CNTNAP3B: variants seen among roughly 807,000 people sequenced by gnomAD.
The protein encoded by CNTNAP3B is contactin associated protein family member 3B.
CNTNAP3B carries 25 observed loss-of-function variants against 108.9 expected under a neutral mutation model. That is an observed-to-expected ratio of 0.23 (90% CI 0.17 to 0.32). The LOEUF is 0.32. CNTNAP3B is among the 10% of genes least tolerant of loss of function. The probability of loss-of-function intolerance (pLI) is 1.00; values close to 1 mark genes in which losing one functional copy is unlikely to be tolerated. For synonymous variants in CNTNAP3B, 103 were observed against 473.4 expected (o/e 0.22, Z 10.16); for missense variants, 252 against 1,210.4 (o/e 0.21, Z 11.75).
At chr9:42,003,976 C>A (rs1172318903) in intron 4 of CNTNAP3B, among the ~76,000 whole-genome samples, 2 of 145,314 alleles carry the variant, frequency 1.4e-5, no homozygotes, top group Admixed American at 6.8e-5. Context: ...ACAACAAAAC[C>A]CACAATTGCC....
At chr9:42,036,138 T>A (rs1252523970) in intron 3 of CNTNAP3B, among the ~76,000 whole-genome samples, 3 of 149,720 alleles carry the variant, frequency 2.0e-5, no homozygotes, top group Non-Finnish European at 4.4e-5. Flanking sequence ...ACTCCTGACC[T>A]CAAGCACTCT....
At chr9:41,925,552 C>T (rs1426805464) in intron 15 of CNTNAP3B, among the ~76,000 whole-genome samples, 2 of 152,286 alleles carry the variant, frequency 1.3e-5, no homozygotes, top group South Asian at 2.1e-4. Context: ...GAGATCCTGC[C>T]ACTGCACTCC....
chr9:42,042,336 T>C (rs1270431714), intron 3 of CNTNAP3B, among the ~76,000 whole-genome samples: 3 of 129,860 alleles, frequency 2.3e-5, no homozygotes, highest in Non-Finnish European at 4.9e-5. Context: ...ATTTTCGCTC[T>C]TATAAACAAT....
intron 9 of CNTNAP3B, among the ~76,000 whole-genome samples, chr9:41,973,342 A>T (rs1244130424): frequency 7.3e-6 from 1 of 136,256 alleles, no homozygotes; most frequent in Non-Finnish European, 1.6e-5. Context: ...TGAAACTTTC[A>T]GGACAAATTC....
intron 1 of CNTNAP3B, among the ~76,000 whole-genome samples, chr9:42,116,654 A>T (rs1828324766): frequency 7.1e-6 from 1 of 139,894 alleles, no homozygotes; most frequent in East Asian, 2.2e-4. Flanking sequence ...TAATGACAGG[A>T]TCAAATTCAC....
At chr9:41,921,747 G>T (rs1236198765) in intron 17 of CNTNAP3B, among the ~76,000 whole-genome samples, 408 of 151,234 alleles carry the variant, frequency 2.7e-3, no homozygotes, top group Non-Finnish European at 4.7e-3. Flanking sequence ...GAACAGATGA[G>T]CCAGACCGGG....
At chr9:41,916,036 C>T (rs1282091714) in intron 18 of CNTNAP3B, among the ~76,000 whole-genome samples, 1 of 151,310 alleles carries the variant, frequency 6.6e-6, no homozygotes, top group Non-Finnish European at 1.5e-5. Context: ...TTATGCATAC[C>T]AAACCCATTA....
At chr9:41,931,253 T>A (rs1446506407) in intron 14 of CNTNAP3B, among the ~76,000 whole-genome samples, 1,548 of 151,358 alleles carry the variant, frequency 0.01, 1 homozygote, top group Non-Finnish European at 0.018. Flanking sequence ...GATACTAGAA[T>A]ACAATGCATA....
chr9:41,956,327 A>G (rs529182660), intron 12 of CNTNAP3B, among the ~76,000 whole-genome samples: 6 of 152,106 alleles, frequency 3.9e-5, no homozygotes, highest in African/African-American at 1.4e-4. Flanking sequence ...TGGAGGTTGC[A>G]GTGAGCCGAG....
chr9:41,966,956 G>C (rs893120449), intron 10 of CNTNAP3B, among the ~76,000 whole-genome samples: 2 of 150,370 alleles, frequency 1.3e-5, no homozygotes, highest in East Asian at 1.9e-4. Flanking sequence ...GATAGAGCGA[G>C]ACTCTGTCTC....
chr9:41,939,133 G>T (rs936457948), intron 13 of CNTNAP3B, among the ~76,000 whole-genome samples: 5 of 152,292 alleles, frequency 3.3e-5, no homozygotes, highest in Non-Finnish European at 7.3e-5. Flanking sequence ...TGCTGCCAGG[G>T]GTTGGGAGTG....
chr9:42,112,646 C>T (rs1260109830), intron 1 of CNTNAP3B, among the ~76,000 whole-genome samples: 2 of 136,880 alleles, frequency 1.5e-5, no homozygotes, highest in African/African-American at 2.9e-5. Flanking sequence ...AGGGGTTACA[C>T]GTTGTCTCTC....
chr9:42,080,441 C>A (rs1225586957), intron 2 of CNTNAP3B, among the ~76,000 whole-genome samples: 1 of 139,318 alleles, frequency 7.2e-6, no homozygotes, highest in African/African-American at 2.9e-5. Context: ...GCTGTGCACA[C>A]AATTTAATTA....
chr9:41,951,924 A>T (rs1420904961), intron 13 of CNTNAP3B, among the ~76,000 whole-genome samples: 1 of 152,224 alleles, frequency 6.6e-6, no homozygotes, highest in Non-Finnish European at 1.5e-5. Context: ...TAAAAATACA[A>T]AAATTAGCCG....
chr9:41,942,923 C>T (rs1355419772), intron 13 of CNTNAP3B, among the ~76,000 whole-genome samples: 2 of 152,252 alleles, frequency 1.3e-5, no homozygotes, highest in Non-Finnish European at 2.9e-5. Context: ...TACCTCAGTT[C>T]CTTTGCCAAT....
At chr9:41,924,763 C>A (rs1380703316) in intron 15 of CNTNAP3B, among the ~76,000 whole-genome samples, 1 of 152,232 alleles carries the variant, frequency 6.6e-6, no homozygotes, top group East Asian at 1.9e-4. Context: ...TGTCCAAAAC[C>A]CATCACAGGA....
intron 14 of CNTNAP3B, among the ~76,000 whole-genome samples, chr9:41,934,188 C>CACATATAT (rs1268222285): frequency 7.4e-6 from 1 of 135,360 alleles, no homozygotes; most frequent in Non-Finnish European, 1.5e-5. Flanking sequence ...CACACACACA[C>CACATATAT]ATATATATAT....
chr9:41,924,881 G>C (rs1221235889), intron 15 of CNTNAP3B, among the ~76,000 whole-genome samples: 3 of 152,264 alleles, frequency 2.0e-5, no homozygotes, highest in African/African-American at 2.4e-5. Flanking sequence ...GTATTTTTCA[G>C]TTGACTTTCA....
At chr9:41,939,305 C>T (rs1400151588) in intron 13 of CNTNAP3B, among the ~76,000 whole-genome samples, 53 of 152,380 alleles carry the variant, frequency 3.5e-4, no homozygotes, top group African/African-American at 1.2e-3. Context: ...TTAACTCAAC[C>T]AGTTTTTTAA....
Sources: gnomAD v4.1 joint callset for allele counts (sites outside exome capture counted in the v4.1 genomes callset) on GRCh38, gnomAD v4.1.1 for gene constraint, MANE v1.5 for transcripts, NCBI Gene and HGNC (gene_info 2026-07-23, HGNC 2026-07-21) for gene names.